The following MEGF6 variants were observed in gnomAD, a reference collection of about 807,000 sequenced individuals.
MEGF6 encodes the protein multiple epidermal growth factor-like domains protein 6.
A neutral mutation model predicts 207.1 loss-of-function variants in MEGF6; 184 were observed. That is an observed-to-expected ratio of 0.89 (90% CI 0.79 to 1.00). The LOEUF (loss-of-function observed/expected upper bound fraction) is 1.00, where lower values mean the gene tolerates loss of function less well. Ranked by LOEUF, MEGF6 falls within the 50% of genes least tolerant of loss-of-function variation. MEGF6 has a pLI of 0.00. For synonymous variants in MEGF6, 1,038 were observed against 910.0 expected, an observed-to-expected ratio of 1.14 and a Z score of -2.53; for missense variants, 2,282 against 2,202.9, an observed-to-expected ratio of 1.04 and a Z score of -0.72.
rs960626365 is a variant in MEGF6, at chr1:3,509,192, G to A, written c.1411C>T (p.Leu471=). 1.3e-6 allele frequency: 2 copies of A among 1,570,660 alleles called. No individual in the cohort carries two copies. Among genetic ancestry groups the A allele is most frequent in the Non-Finnish European group, 1.7e-6 (2 of 1,158,644 alleles). Residue 471 remains leucine, a synonymous_variant, in exon 12 of 37, where the codon CTG becomes TTG. Transcript: ENST00000356575. ...LDGELPFVRP[L]PHIAVLQDEL... ...TCCTGGAGCACGGCAATGTGGGGCA[G>A]GGGCCGCACGAAAGGCAGCTCGCCG...
Position 3,586,389 on chromosome 1 carries a change from G to A in MEGF6, c.377-6460C>T, listed in dbSNP as rs183669594. Among the ~76,000 whole-genome samples the A allele has an allele frequency of 1.9e-3, 295 of 152,282 alleles. 4 individuals are homozygous for A. Among genetic ancestry groups the A allele is most frequent in the South Asian group, 9.7e-3 (47 of 4,826 alleles). On this transcript the variant is annotated intron_variant, in intron 3 of 36. Coordinates refer to ENST00000356575, the MANE Select transcript of MEGF6 (RefSeq NM_001409.4). ...TGCTCACAGATGTGTGTGCGTATGCGTGTGTGTGTGCCAATCTGTGCAAGG... is the reference window on the plus strand; with the variant it reads ...TGCTCACAGATGTGTGTGCGTATGCATGTGTGTGTGCCAATCTGTGCAAGG...
rs951694152 is a variant in MEGF6, at chr1:3,490,448, G to A, written c.*80C>T. 27 of 1,494,118 alleles carry A rather than the reference G, an allele frequency of 1.8e-5. No homozygotes were observed. Among genetic ancestry groups the A allele is most frequent in the East Asian group, 6.8e-5 (3 of 43,850 alleles). 92.6% of individuals were successfully genotyped at this position (1,494,118 alleles called of 1,614,324 possible). On this transcript the variant is annotated 3_prime_UTR_variant, in exon 37 of 37. Coordinates refer to ENST00000356575, the MANE Select transcript of MEGF6 (RefSeq NM_001409.4). ...GTACCAGGAGCTCTGGGCCCGTGAAGTGTCCTTCTCAGTGGTCACCAAAGG... is the reference window on the plus strand; with the variant it reads ...GTACCAGGAGCTCTGGGCCCGTGAAATGTCCTTCTCAGTGGTCACCAAAGG...
rs1644035920 is a variant in MEGF6 at position 3,594,961 on chromosome 1, C to T, written c.376+377G>A. 6.6e-6 allele frequency among the ~76,000 whole-genome samples: 1 copy of T among 151,912 alleles called. No homozygotes were observed. ...TAGGGAAACAGGGCAGGGAGAGGGA[C>T]TCAGGGAGCTGGGGGTGAGCGTGGT... is the stretch of plus-strand genomic sequence containing the variant. On this transcript the variant is annotated intron_variant, in intron 3 of 36. Coordinates refer to ENST00000356575, the MANE Select transcript of MEGF6 (RefSeq NM_001409.4). This position sits in a 1 kb window ranked among gnomAD's most constrained non-coding sequence, Gnocchi z 4.2.
chr1:3,610,924 G>A (rs1313673618), intron 1 of MEGF6, among the ~76,000 whole-genome samples: 1 of 152,224 alleles, frequency 6.6e-6, no homozygotes, highest in Non-Finnish European at 1.5e-5. Flanking sequence ...GAGTGGGAGG[G>A]GGGGAGGGGA....
rs59424892 is a variant in MEGF6, at chr1:3,556,240, G to T, written c.481+23585C>A. Reference sequence around the variant, plus strand: ...TTTCCCAGGATGGGGAGTGGGGCAGGGTCCCCATACATAACCTAGAGCTCT... The same window carrying T: ...TTTCCCAGGATGGGGAGTGGGGCAGTGTCCCCATACATAACCTAGAGCTCT... On this transcript the variant is annotated intron_variant, in intron 4 of 36. Transcript: ENST00000356575. This position sits in a 1 kb window ranked among gnomAD's most constrained non-coding sequence, Gnocchi z 4.4. Among the ~76,000 whole-genome samples the T allele has an allele frequency of 1.3e-5, 2 of 152,208 alleles. No homozygotes were observed. Among genetic ancestry groups the T allele is most frequent in the African/African-American group, 4.8e-5 (2 of 41,464 alleles).
chr1:3,589,903 C>T (rs933642092), intron 3 of MEGF6, among the ~76,000 whole-genome samples: 1 of 152,236 alleles, frequency 6.6e-6, no homozygotes, highest in Non-Finnish European at 1.5e-5. Context: ...AGGGCACATT[C>T]GCATATTAAA....
chr1:3,511,590 G>A lies in MEGF6; in HGVS notation c.1074C>T (p.Pro358=). ...HTSAGPLCTC[P]RGYELDTDQR... is the part of the protein sequence containing the mutation. ...GATCTGTGTCCAGCTCGTAGCCGCG[G>A]GGACATGTGCACAGGGGCCCAGCAC... The change falls in exon 9 of 37, where the codon CCC becomes CCT. Residue 358 remains proline (P), a synonymous_variant. Transcript: ENST00000356575. The A allele has an allele frequency of 1.9e-6, 3 of 1,612,208 alleles. No homozygotes were observed. The highest frequency in any genetic ancestry group is 2.5e-6 in the Non-Finnish European group (3 of 1,179,344).
chr1:3,491,104 C>A (rs543514945), intron 35 of MEGF6, 145 bp from the exon 36 acceptor site: 5 of 282,690 alleles, frequency 1.8e-5, no homozygotes, highest in Admixed American at 5.4e-5. Flanking sequence ...CCTTTGCACT[C>A]GGGGAAGGAA....
the MEGF6 span, among the ~76,000 whole-genome samples, chr1:3,616,537 G>T: frequency 6.6e-6 from 1 of 152,196 alleles, no homozygotes; most frequent in Admixed American, 6.5e-5. Context: ...AGCACGTGCA[G>T]GTGATGGCCA....
chr1:3,522,240 G>C (rs1448671526), intron 5 of MEGF6, among the ~76,000 whole-genome samples: 1 of 152,208 alleles, frequency 6.6e-6, no homozygotes, highest in Non-Finnish European at 1.5e-5. Context: ...TTAGGTGACA[G>C]GCTGGCACGC....
intron 1 of MEGF6, among the ~76,000 whole-genome samples, chr1:3,609,933 G>A (rs1450506968): frequency 1.3e-5 from 2 of 152,248 alleles, no homozygotes; most frequent in African/African-American, 4.8e-5. Context: ...ACTCTGGGGA[G>A]CCTATGCCCC....
chr1:3,518,171 G>A (rs578058248), intron 5 of MEGF6, among the ~76,000 whole-genome samples: 1 of 152,352 alleles, frequency 6.6e-6, no homozygotes, highest in East Asian at 1.9e-4. Context: ...TGTATTTGGA[G>A]ATAGGGTCTC....
chr1:3,623,150 C>A, the MEGF6 span: 1 of 142,560 alleles, frequency 7.0e-6, no homozygotes. Context: ...CCTCTTTCTC[C>A]CCCCCATTCT....
intron 4 of MEGF6, among the ~76,000 whole-genome samples, chr1:3,578,090 G>C (rs971327580): frequency 6.6e-6 from 1 of 152,134 alleles, no homozygotes; most frequent in Non-Finnish European, 1.5e-5. Context: ...GGCAGGTCAG[G>C]TGTCCTCCCT....
chr1:3,597,032 C>A (rs1222491020), intron 2 of MEGF6, among the ~76,000 whole-genome samples: 1 of 152,300 alleles, frequency 6.6e-6, no homozygotes, highest in African/African-American at 2.4e-5. Flanking sequence ...AGTGAAAGAC[C>A]CTTGGAGAGG....
chr1:3,603,599 G>A (rs1424369004), intron 1 of MEGF6, among the ~76,000 whole-genome samples: 1 of 152,146 alleles, frequency 6.6e-6, no homozygotes, highest in Non-Finnish European at 1.5e-5. Context: ...TCCAGCCTCA[G>A]GTGCAGCAAG....
chr1:3,588,912 G>T (rs1372865408), intron 3 of MEGF6, among the ~76,000 whole-genome samples: 1 of 152,096 alleles, frequency 6.6e-6, no homozygotes, highest in Admixed American at 6.5e-5. Context: ...CACAGACTCT[G>T]CCCCTGCCCT....
Position 3,493,956 on chromosome 1 carries a change from G to C in MEGF6, c.4258+40C>G, listed in dbSNP as rs752626715. On this transcript the variant is annotated intron_variant, in intron 33 of 36. Coordinates refer to ENST00000356575, the MANE Select transcript of MEGF6 (RefSeq NM_001409.4). ...CCTGTCCTGCACCCAGACGGGACGGGGCCAGGGAGCGGGGGTTCAGGGAGG... is the reference window on the plus strand; with the variant it reads ...CCTGTCCTGCACCCAGACGGGACGGCGCCAGGGAGCGGGGGTTCAGGGAGG... 1.0e-5 allele frequency: 16 copies of C among 1,583,244 alleles called. No homozygotes were observed. In the East Asian group the frequency reaches 3.7e-4, roughly 37 times the overall value.
chr1:3,507,726 G>A, intron 14 of MEGF6, 69 bp downstream of exon 14: 3 of 1,595,480 alleles, frequency 1.9e-6, no homozygotes, highest in East Asian at 2.2e-5. Flanking sequence ...GGACGTGGAG[G>A]GGTGGTGTCT....
Sources: gnomAD v4.1 joint callset for allele counts (sites outside exome capture counted in the v4.1 genomes callset) on GRCh38, gnomAD v4.1.1 for gene constraint, Gnocchi (gnomAD v3.1) non-coding constraint, MANE v1.5 for transcripts, NCBI Gene and HGNC (gene_info 2026-07-23, HGNC 2026-07-21) for gene names.